CD38: variants seen among roughly 807,000 people sequenced by gnomAD.
CD38 encodes the protein CD38 molecule.
A neutral mutation model predicts 36.3 loss-of-function variants in CD38; 31 were observed. That is an observed-to-expected ratio of 0.85 (90% CI 0.64 to 1.15). The LOEUF is 1.15. CD38 is among the 50% of genes most tolerant of loss of function. The probability of loss-of-function intolerance (pLI) is 0.00; values close to 1 mark genes in which losing one functional copy is unlikely to be tolerated. For missense variants in CD38, 380 were observed against 371.9 expected (o/e 1.02, Z -0.18); for synonymous variants, 131 against 135.2 (o/e 0.97, Z 0.22).
intron 3 of CD38, among the ~76,000 whole-genome samples, chr4:15,829,009 C>T (rs967005593): frequency 6.6e-6 from 1 of 151,938 alleles, no homozygotes. Flanking sequence ...TTGATTATAC[C>T]CTTCTGACAG....
At chr4:15,808,931 C>T (rs1302143668) in intron 1 of CD38, among the ~76,000 whole-genome samples, 2 of 152,142 alleles carry the variant, frequency 1.3e-5, no homozygotes, top group African/African-American at 4.8e-5. Context: ...TCTTGGGAGG[C>T]TGTCTGGTGA....
At chr4:15,826,459 G>GCACGCGCACACA (rs1222637407) in intron 3 of CD38, among the ~76,000 whole-genome samples, 300 of 146,452 alleles carry the variant, frequency 2.0e-3, no homozygotes, top group East Asian at 0.018. Context: ...ACTTTTGTGC[G>GCACGCGCACACA]CACACACACA....
intron 1 of CD38, among the ~76,000 whole-genome samples, chr4:15,790,585 G>T (rs1314608497): frequency 6.6e-6 from 1 of 152,070 alleles, no homozygotes; most frequent in Non-Finnish European, 1.5e-5. Flanking sequence ...TGCAGCCTCT[G>T]CCCGGCCGCC....
intron 1 of CD38, among the ~76,000 whole-genome samples, chr4:15,814,461 A>G (rs527849456): frequency 6.6e-6 from 1 of 152,194 alleles, no homozygotes; most frequent in East Asian, 1.9e-4. Flanking sequence ...CCCATTTGTC[A>G]ATTTTGGCTT....
At chr4:15,789,062 AAG>A (rs1722899311) in intron 1 of CD38, among the ~76,000 whole-genome samples, 1 of 152,246 alleles carries the variant, frequency 6.6e-6, no homozygotes, top group African/African-American at 2.4e-5. Flanking sequence ...CCAGATAATT[AAG>A]TAATTCTTGG....
At chr4:15,809,552 C>T (rs1723420283) in intron 1 of CD38, among the ~76,000 whole-genome samples, 1 of 152,158 alleles carries the variant, frequency 6.6e-6, no homozygotes, top group Non-Finnish European at 1.5e-5. Flanking sequence ...AAAGCAGGCA[C>T]TGCAGCTTTT....
intron 1 of CD38, among the ~76,000 whole-genome samples, chr4:15,806,960 A>G (rs1193368109): frequency 1.3e-5 from 2 of 152,154 alleles, no homozygotes; most frequent in Non-Finnish European, 2.9e-5. Flanking sequence ...TGGCAGTCCA[A>G]TTGTCATAAT....
chr4:15,779,580 G>A (rs1049833518), intron 1 of CD38, among the ~76,000 whole-genome samples: 6 of 152,116 alleles, frequency 3.9e-5, no homozygotes, highest in East Asian at 1.9e-4. Flanking sequence ...CCGAGGAAAC[G>A]AGCAAATAGA....
chr4:15,820,588 AAG>A, intron 2 of CD38, among the ~76,000 whole-genome samples: 1 of 152,206 alleles, frequency 6.6e-6, no homozygotes, highest in Non-Finnish European at 1.5e-5. Context: ...AAAAAAGAAA[AAG>A]AAGGGTATTA....
At chr4:15,839,791 T>G (rs1012963992) in intron 5 of CD38, among the ~76,000 whole-genome samples, 6 of 152,150 alleles carry the variant, frequency 3.9e-5, no homozygotes, top group Non-Finnish European at 8.8e-5. Context: ...ACTCTTCAAA[T>G]AGCAAATATT....
intron 2 of CD38, among the ~76,000 whole-genome samples, chr4:15,821,717 A>G (rs573986648): frequency 0.012 from 1,797 of 148,880 alleles, 38 homozygotes; most frequent in African/African-American, 0.042. Context: ...AAAAAAGCCC[A>G]GGATCAGACA....
chr4:15,783,490 C>G (rs913305235), intron 1 of CD38, among the ~76,000 whole-genome samples: 11 of 152,156 alleles, frequency 7.2e-5, no homozygotes, highest in African/African-American at 2.7e-4. Context: ...CTTATCCCTG[C>G]CCCAAGACAA....
In CD38 at chr4:15,840,369, C is replaced by G. The variant is rs78164173; in HGVS notation, c.753-83C>G. On this transcript the variant is annotated intron_variant, in intron 6 of 7. Transcript: ENST00000226279. ...TTACCTCTTTATCCAAGGGCCTTGT[C>G]CAGGGCGTGCTACAAAAACAAAGAG... 1.9e-4 allele frequency: 171 copies of G among 920,554 alleles called. No homozygotes were observed. The East Asian group carries it at 3.4e-3, about 18-fold the overall frequency. The allele number at this position is 920,554 out of a possible 1,614,324, so 57.0% of individuals were successfully genotyped here.
At chr4:15,786,231 C>T (rs569257220) in intron 1 of CD38, among the ~76,000 whole-genome samples, 1 of 152,198 alleles carries the variant, frequency 6.6e-6, no homozygotes, top group Non-Finnish European at 1.5e-5. Flanking sequence ...TTGGCTCCCC[C>T]CAGCCTGCTT....
rs931581976 is a variant in CD38 at position 15,778,853 on chromosome 4, C to A, written c.233+206C>A. Reference sequence around the variant, plus strand: ...AGCTGGCCTTGGCACCGAGCGTGCCCGCGGGAGGCGGGGGGGGGCGCTGCT... The same window carrying A: ...AGCTGGCCTTGGCACCGAGCGTGCCAGCGGGAGGCGGGGGGGGGCGCTGCT... On this transcript the variant is annotated intron_variant, in intron 1 of 7. Coordinates refer to ENST00000226279, the MANE Select transcript of CD38 (RefSeq NM_001775.4). This position sits in a 1 kb window ranked among gnomAD's most constrained non-coding sequence, Gnocchi z 4.9. Among the ~76,000 whole-genome samples the A allele has an allele frequency of 7.1e-6, 1 of 140,804 alleles. No homozygotes were observed. 92.4% of individuals were successfully genotyped at this position (140,804 alleles called of 152,430 possible). A position where few individuals can be genotyped will look rare whatever the true frequency, so the allele number is the denominator to read the frequency against.
intron 1 of CD38, among the ~76,000 whole-genome samples, chr4:15,790,416 G>A (rs1421732603): frequency 3.3e-5 from 5 of 151,992 alleles, no homozygotes; most frequent in Non-Finnish European, 5.9e-5. Flanking sequence ...GACCGCGAGT[G>A]ATCCGCCGGC....
chr4:15,790,148 TCTCCCTCTCCCC>T (rs1560307081), intron 1 of CD38, among the ~76,000 whole-genome samples: 3 of 12,660 alleles, frequency 2.4e-4, no homozygotes, highest in Non-Finnish European at 3.7e-4. Context: ...TCCCTCTCCC[TCTCCCTCTCCCC>T]CTCTCCCTCC....
chr4:15,827,791 T>C (rs923178699), intron 3 of CD38, among the ~76,000 whole-genome samples: 1 of 152,204 alleles, frequency 6.6e-6, no homozygotes, highest in Non-Finnish European at 1.5e-5. Context: ...AATTGAATTA[T>C]GTATATGTAG....
intron 2 of CD38, among the ~76,000 whole-genome samples, chr4:15,820,357 T>G (rs1300087071): frequency 2.0e-5 from 3 of 152,156 alleles, no homozygotes; most frequent in Admixed American, 6.5e-5. Flanking sequence ...TAACCTTAAG[T>G]GTAAATGGGC....
Sources: gnomAD v4.1 joint callset for allele counts (sites outside exome capture counted in the v4.1 genomes callset) on GRCh38, gnomAD v4.1.1 for gene constraint, Gnocchi (gnomAD v3.1) non-coding constraint, MANE v1.5 for transcripts, NCBI Gene and HGNC (gene_info 2026-07-23, HGNC 2026-07-21) for gene names.